The following GRM3 variants were observed in gnomAD, a reference collection of about 807,000 sequenced individuals.
The protein encoded by GRM3 is metabotropic glutamate receptor 3.
In GRM3, 26 loss-of-function variants were observed where a neutral mutation model predicts 70.5. The observed-to-expected ratio is 0.37, with a 90% CI of 0.27 to 0.51. GRM3 has a LOEUF of 0.51. GRM3 is among the 20% of genes least tolerant of loss of function. The probability of loss-of-function intolerance (pLI) is 0.93; values close to 1 mark genes in which losing one functional copy is unlikely to be tolerated. For missense variants in GRM3, 859 were observed against 1,123.8 expected, an observed-to-expected ratio of 0.76 and a Z score of 3.37; for synonymous variants, 443 against 434.9, an observed-to-expected ratio of 1.02 and a Z score of -0.23.
chr7:86,734,380 C>A (rs548627022), intron 1 of GRM3, among the ~76,000 whole-genome samples: 26 of 152,250 alleles, frequency 1.7e-4, no homozygotes, highest in South Asian at 1.5e-3. Flanking sequence ...GTCTATCAGT[C>A]CTGCTACTTA....
intron 1 of GRM3, among the ~76,000 whole-genome samples, chr7:86,754,629 C>T (rs1796302753): frequency 6.6e-6 from 1 of 151,982 alleles, no homozygotes; most frequent in African/African-American, 2.4e-5. Context: ...AGAACATTAA[C>T]CATAGTTTTA....
At chr7:86,763,285 G>C (rs961269022) in intron 1 of GRM3, among the ~76,000 whole-genome samples, 1 of 152,092 alleles carries the variant, frequency 6.6e-6, no homozygotes, top group Non-Finnish European at 1.5e-5. Context: ...GAACACACAA[G>C]GGCATGTGGC....
At chr7:86,748,719 A>AAATTTTTG (rs1796162305) in intron 1 of GRM3, among the ~76,000 whole-genome samples, 1 of 152,034 alleles carries the variant, frequency 6.6e-6, no homozygotes, top group Non-Finnish European at 1.5e-5. Context: ...CAGTGGGACT[A>AAATTTTTG]TTACATTAAA....
intron 1 of GRM3, among the ~76,000 whole-genome samples, chr7:86,750,342 A>G (rs1796201112): frequency 6.6e-6 from 1 of 152,120 alleles, no homozygotes; most frequent in Non-Finnish European, 1.5e-5. Context: ...TGTGTAATAC[A>G]GACTATGACC....
intron 1 of GRM3, among the ~76,000 whole-genome samples, chr7:86,708,820 C>T (rs149587921): frequency 6.6e-6 from 1 of 152,036 alleles, no homozygotes; most frequent in Non-Finnish European, 1.5e-5. Flanking sequence ...TCTGAGCATA[C>T]CTTTAAAGTT....
chr7:86,667,761 C>G (rs1794063214), intron 1 of GRM3, among the ~76,000 whole-genome samples: 1 of 152,144 alleles, frequency 6.6e-6, no homozygotes, highest in African/African-American at 2.4e-5. Context: ...CATTTCGGCC[C>G]TTCTAACGGT....
rs560669723 is a variant in GRM3, at chr7:86,695,616, G to T, written c.-141+50744G>T. 8.1e-4 allele frequency among the ~76,000 whole-genome samples: 124 copies of T among 152,240 alleles called. No individual in the cohort carries two copies. In the Middle Eastern group the frequency reaches 0.02, roughly 25 times the overall value. ...ACTCCCGTTTACTTGCTGTGAAACT[G>T]CAAGTAAGTTACTTAAGGCTTCTAA... is the stretch of plus-strand genomic sequence containing the variant. On this transcript the variant is annotated intron_variant, in intron 1 of 5. Coordinates refer to ENST00000361669, the MANE Select transcript of GRM3 (RefSeq NM_000840.3).
intron 2 of GRM3, chr7:86,775,869 G>A (rs945379936): frequency 6.6e-6 from 1 of 152,008 alleles, no homozygotes; most frequent in African/African-American, 2.4e-5. Flanking sequence ...TCTATATGGA[G>A]GTCTGTGATG....
At chr7:86,787,587 T>C (rs1797290811) in intron 3 of GRM3, among the ~76,000 whole-genome samples, 1 of 150,456 alleles carries the variant, frequency 6.6e-6, no homozygotes, top group Admixed American at 6.6e-5. Flanking sequence ...AAGTCACTGT[T>C]CTCCCAGAGC....
chr7:86,816,023 G>A (rs1240929682), intron 3 of GRM3, among the ~76,000 whole-genome samples: 1 of 151,846 alleles, frequency 6.6e-6, no homozygotes, highest in Non-Finnish European at 1.5e-5. Flanking sequence ...TCATGGTTAA[G>A]TACCATAAGA....
intron 3 of GRM3, among the ~76,000 whole-genome samples, chr7:86,794,544 A>T (rs949792602): frequency 6.6e-5 from 10 of 152,340 alleles, no homozygotes; most frequent in African/African-American, 2.4e-4. Context: ...TGCTGATGTT[A>T]TACTCTGAGG....
intron 3 of GRM3, among the ~76,000 whole-genome samples, chr7:86,793,767 C>A (rs1797481904): frequency 6.6e-6 from 1 of 152,058 alleles, no homozygotes; most frequent in Non-Finnish European, 1.5e-5. Flanking sequence ...TAGGCTTGTG[C>A]TTTCTGCTGC....
chr7:86,761,733 A>G (rs1796484985), intron 1 of GRM3, among the ~76,000 whole-genome samples: 1 of 152,122 alleles, frequency 6.6e-6, no homozygotes, highest in Admixed American at 6.6e-5. Context: ...ATTTTTGTTC[A>G]TATAATTTTT....
intron 5 of GRM3, among the ~76,000 whole-genome samples, chr7:86,863,352 T>C (rs1379824719): frequency 6.6e-6 from 1 of 151,908 alleles, no homozygotes; most frequent in Non-Finnish European, 1.5e-5. Context: ...GGCTAGGGAG[T>C]ACTTTAGTTT....
chr7:86,751,708 T>C (rs2116362330), intron 1 of GRM3, among the ~76,000 whole-genome samples: 1 of 152,190 alleles, frequency 6.6e-6, no homozygotes, highest in East Asian at 1.9e-4. Flanking sequence ...ACACCCAGAC[T>C]CATGGTTTCT....
chr7:86,790,086 C>G (rs1165863010), intron 3 of GRM3, among the ~76,000 whole-genome samples: 1 of 152,116 alleles, frequency 6.6e-6, no homozygotes, highest in Non-Finnish European at 1.5e-5. Context: ...TCTATTTTTG[C>G]CTGCATACTT....
chr7:86,757,721 T>C (rs1182301416), intron 1 of GRM3, among the ~76,000 whole-genome samples: 2 of 152,156 alleles, frequency 1.3e-5, no homozygotes, highest in African/African-American at 4.8e-5. Flanking sequence ...GGCAGGAAAG[T>C]GCCCTGTGCA....
At chr7:86,741,142 C>T (rs972827347) in intron 1 of GRM3, among the ~76,000 whole-genome samples, 4 of 152,038 alleles carry the variant, frequency 2.6e-5, no homozygotes, top group African/African-American at 7.2e-5. Context: ...ATAGAGTCCC[C>T]GTTTTGGGAT....
chr7:86,748,107 G>A (rs1393894967), intron 1 of GRM3, among the ~76,000 whole-genome samples: 1 of 151,910 alleles, frequency 6.6e-6, no homozygotes, highest in African/African-American at 2.4e-5. Context: ...GACAGCCTGT[G>A]GATATACCTA....
Sources: allele counts gnomAD v4.1 joint callset (sites outside exome capture counted in the v4.1 genomes callset), GRCh38; gene constraint gnomAD v4.1.1; transcripts MANE v1.5; gene names NCBI Gene and HGNC (gene_info 2026-07-23, HGNC 2026-07-21).